The following LPIN1 variants were observed in gnomAD, a reference collection of about 807,000 sequenced individuals.
LPIN1 encodes lipin 1.
LPIN1 carries 71 observed loss-of-function variants against 107.5 expected under a neutral mutation model. The ratio of observed to expected loss-of-function variants is 0.66; its 90% CI spans 0.55 to 0.80. The LOEUF (loss-of-function observed/expected upper bound fraction) is 0.80, where lower values mean the gene tolerates loss of function less well. LPIN1 is among the 30% of genes least tolerant of loss of function. LPIN1 has a pLI of 0.00. For synonymous variants in LPIN1, 445 were observed against 452.6 expected, an observed-to-expected ratio of 0.98 and a Z score of 0.21; for missense variants, 1,043 against 1,160.6, an observed-to-expected ratio of 0.90 and a Z score of 1.47.
intron 1 of LPIN1, among the ~76,000 whole-genome samples, chr2:11,683,488 T>C (rs1160678420): frequency 2.0e-5 from 3 of 152,012 alleles, no homozygotes; most frequent in Non-Finnish European, 4.4e-5. Context: ...GAGTCGCCCT[T>C]TGGGAGCAGA....
chr2:11,736,696 A>T (rs1049351626), intron 1 of LPIN1, among the ~76,000 whole-genome samples: 1 of 152,226 alleles, frequency 6.6e-6, no homozygotes, highest in African/African-American at 2.4e-5. Context: ...TGATTGAAAT[A>T]CTAGAAATTT....
intron 1 of LPIN1, among the ~76,000 whole-genome samples, chr2:11,688,937 A>G (rs1030711675): frequency 9.2e-5 from 14 of 152,308 alleles, no homozygotes; most frequent in Admixed American, 5.2e-4. Context: ...GTTTCTACCC[A>G]ATTAGAAATG....
chr2:11,774,250 A>G lies in LPIN1; in HGVS notation c.722+505A>G, dbSNP rs1023751104. ...AGAACTAGAGCTGCTCACTGTGCAG[A>G]TGCCATCCTGATGACCCCAGAGATG... On this transcript the variant is annotated intron_variant, in intron 5 of 20. Transcript: ENST00000674199. The surrounding 1 kb of genome is among the most constrained non-coding windows in gnomAD (Gnocchi z 4.4). 6.6e-6 allele frequency among the ~76,000 whole-genome samples: 1 copy of G among 152,220 alleles called. No individual in the cohort carries two copies. Among genetic ancestry groups the G allele is most frequent in the Non-Finnish European group, 1.5e-5 (1 of 68,030 alleles).
At chr2:11,818,509 A>C (rs1467598067) in intron 18 of LPIN1, 2 of 148,622 alleles carry the variant, frequency 1.3e-5, no homozygotes, top group African/African-American at 5.0e-5. Context: ...TAATTTTTGT[A>C]CTTTTTTTTT....
intron 1 of LPIN1, among the ~76,000 whole-genome samples, chr2:11,725,215 T>C (rs1173269856): frequency 2.0e-5 from 3 of 152,182 alleles, no homozygotes; most frequent in Non-Finnish European, 4.4e-5. Context: ...GAGCTGAGAT[T>C]GTGCCACTGC....
At chr2:11,690,884 TC>T (rs1201535845) in intron 1 of LPIN1, among the ~76,000 whole-genome samples, 4 of 152,164 alleles carry the variant, frequency 2.6e-5, no homozygotes, top group African/African-American at 9.7e-5. Flanking sequence ...TATTCCTTAA[TC>T]TGTGTCTATA....
At chr2:11,790,717 G>A (rs929735951) in intron 12 of LPIN1, among the ~76,000 whole-genome samples, 4 of 152,140 alleles carry the variant, frequency 2.6e-5, no homozygotes, top group African/African-American at 4.8e-5. Flanking sequence ...CCTCTGTTAC[G>A]TGTCTCTGTG....
chr2:11,815,143 A>G lies in LPIN1; in HGVS notation c.2305A>G (p.Thr769Ala). The change falls in exon 18 of 21, where the codon ACG (threonine) becomes GCG (alanine). Residue 769 changes from threonine to alanine, a missense_variant. Coordinates refer to ENST00000674199, the MANE Select transcript of LPIN1 (RefSeq NM_001349206.2). ...CCGTGCCATCGGGATGGCGGACATG[A>G]CGCGGGGCTACCTGCACTGGGTCAA... ...SARAIGMADM[T>A]RGYLHWVNER... 4 of 1,614,214 alleles carry G rather than the reference A, an allele frequency of 2.5e-6. No individual in the cohort carries two copies. The highest frequency in any genetic ancestry group is 3.4e-6 in the Non-Finnish European group (4 of 1,180,028).
rs1674241380 is a variant in LPIN1 at position 11,784,867 on chromosome 2, C to T, written c.1359-19C>T. On this transcript the variant is annotated intron_variant, in intron 9 of 20. Coordinates refer to ENST00000674199, the MANE Select transcript of LPIN1 (RefSeq NM_001349206.2). ...TGGGACAGTCCTCAGCCGGTCTCTG[C>T]CGCTTTTCCTCCTTCCAGCGGAGAT... 1.2e-6 allele frequency: 2 copies of T among 1,613,330 alleles called. No homozygotes were observed. The highest frequency in any genetic ancestry group is 1.7e-4 in the Middle Eastern group (1 of 6,058).
intron 19 of LPIN1, 136 bp from the exon 20 acceptor site, chr2:11,820,275 C>G: frequency 3.0e-6 from 2 of 669,720 alleles, no homozygotes; most frequent in Admixed American, 4.5e-5. Context: ...AAAGGATATT[C>G]TTTCACTGCA....
chr2:11,804,742 A>G (rs1678353372), intron 16 of LPIN1, among the ~76,000 whole-genome samples, 171 bp downstream of exon 16: 1 of 152,090 alleles, frequency 6.6e-6, no homozygotes, highest in South Asian at 2.1e-4. Flanking sequence ...CATTGTGTTT[A>G]GGGCTTAGTT....
chr2:11,803,113 G>A lies in LPIN1; in HGVS notation c.2013+80G>A, dbSNP rs536544349. 5.1e-5 allele frequency: 81 copies of A among 1,587,368 alleles called. No individual in the cohort carries two copies. The South Asian group carries it at 8.8e-4, about 17-fold the overall frequency. ...ACTCCTAAGGCTGTGTGATGGTTGG[G>A]ATGTGCCCGTTACTTGTCACCTTTC... is the stretch of plus-strand genomic sequence containing the variant. On this transcript the variant is annotated intron_variant, in intron 15 of 20. Transcript: ENST00000674199. This position sits in a 1 kb window ranked among gnomAD's most constrained non-coding sequence, Gnocchi z 4.2.
chr2:11,694,589 A>G (rs1490989380), intron 1 of LPIN1, among the ~76,000 whole-genome samples: 4 of 152,198 alleles, frequency 2.6e-5, no homozygotes, highest in Non-Finnish European at 5.9e-5. Context: ...GCGCTATATC[A>G]TAATGCACCT....
chr2:11,713,264 G>A (rs1296914274), intron 1 of LPIN1, among the ~76,000 whole-genome samples: 1 of 152,164 alleles, frequency 6.6e-6, no homozygotes, highest in Non-Finnish European at 1.5e-5. Flanking sequence ...TCAAAGAAAA[G>A]ACACCACATT....
upstream of LPIN1, chr2:11,724,287 C>T (rs1572409075): frequency 2.1e-6 from 2 of 940,080 alleles, no homozygotes; most frequent in Non-Finnish European, 2.5e-6. Context: ...CCGTGGGGGG[C>T]ATCAGAATCC....
intron 14 of LPIN1, among the ~76,000 whole-genome samples, chr2:11,801,261 T>C (rs978167348): frequency 2.0e-5 from 3 of 152,170 alleles, no homozygotes; most frequent in Non-Finnish European, 2.9e-5. Flanking sequence ...TGCTTATTTA[T>C]CCAAAGGAAG....
intron 1 of LPIN1, among the ~76,000 whole-genome samples, chr2:11,761,950 A>G (rs1429205404): frequency 1.3e-5 from 2 of 152,016 alleles, no homozygotes; most frequent in African/African-American, 2.4e-5. Context: ...CTATAATTCA[A>G]TTCAATTCTG....
chr2:11,784,942 A>C lies in LPIN1; in HGVS notation c.1415A>C (p.Asn472Thr), dbSNP rs1674265400. The C allele has an allele frequency of 6.2e-7, 1 of 1,613,840 alleles. No homozygotes were observed. Among genetic ancestry groups the C allele is most frequent in the South Asian group, 1.1e-5 (1 of 91,090 alleles). ...AGCGACAACGGAGCCCGGTCAGCCA[A>C]CCAGTCCCCGCAGTCGGTGGGCAGC... ...HASDNGARSA[N>T]QSPQSVGSSG... is the part of the protein sequence containing the mutation. Residue 472 changes from asparagine (N) to threonine (T), a missense_variant, in exon 10 of 21, where the codon AAC becomes ACC. By Grantham distance (65) the Asn-to-Thr change is moderately conservative. Transcript: ENST00000674199.
At chr2:11,699,160 C>A (rs1413415349) in intron 1 of LPIN1, among the ~76,000 whole-genome samples, 1 of 152,236 alleles carries the variant, frequency 6.6e-6, no homozygotes, top group Non-Finnish European at 1.5e-5. Flanking sequence ...GACAATTCTT[C>A]TTCCAATGTA....
Sources: gnomAD v4.1 joint callset for allele counts (sites outside exome capture counted in the v4.1 genomes callset) on GRCh38, gnomAD v4.1.1 for gene constraint, Gnocchi (gnomAD v3.1) non-coding constraint, MANE v1.5 for transcripts, NCBI Gene and HGNC (gene_info 2026-07-23, HGNC 2026-07-21) for gene names.